Variants in VPS53 observed in about 807,000 individuals in gnomAD.
VPS53 encodes the protein VPS53 subunit of GARP complex.
Under a neutral mutation model 107.0 loss-of-function variants are expected in VPS53, and 70 were observed. The observed-to-expected ratio is 0.65, with a 90% CI of 0.54 to 0.80. The LOEUF is 0.80. Ranked by LOEUF, VPS53 falls within the 30% of genes least tolerant of loss-of-function variation. VPS53 has a pLI of 0.00. For synonymous variants in VPS53, 409 were observed against 393.3 expected, an observed-to-expected ratio of 1.04 and a Z score of -0.47; for missense variants, 917 against 1,049.4, an observed-to-expected ratio of 0.87 and a Z score of 1.74.
At position 581,710 on chromosome 17, in the gene VPS53, G is replaced by A. The variant is rs190560864; in HGVS notation, c.1313+4560C>T. 1.2e-3 allele frequency among the ~76,000 whole-genome samples: 186 copies of A among 150,066 alleles called. 1 individual carries two copies. Among genetic ancestry groups the A allele is most frequent in the African/African-American group, 4.0e-3 (163 of 40,672 alleles). On this transcript the variant is annotated intron_variant, in intron 13 of 21. Transcript: ENST00000437048. ...GAAAACCTTCCTCAGAACCTAATGC[G>A]TTCCTAGAGAACTTTCCTCAGAACT...
At chr17:704,221 T>G (rs949292894) in intron 2 of VPS53, among the ~76,000 whole-genome samples, 1 of 152,106 alleles carries the variant, frequency 6.6e-6, no homozygotes, top group African/African-American at 2.4e-5. Context: ...TGGCTACTAT[T>G]TAAACCCCAC....
chr17:564,952 T>A (rs4968164), intron 13 of VPS53, among the ~76,000 whole-genome samples: 32,475 of 152,122 alleles, frequency 0.21, 4,103 homozygotes, highest in Non-Finnish European at 0.28. Context: ...ACATGTTGCA[T>A]CTTTTTAGGT....
At chr17:531,308 C>T (rs1263381321) in intron 19 of VPS53, among the ~76,000 whole-genome samples, 1 of 152,208 alleles carries the variant, frequency 6.6e-6, no homozygotes, top group Non-Finnish European at 1.5e-5. Flanking sequence ...CTGAACTGGC[C>T]TGGGGTCTGA....
chr17:511,969 A>G lies in VPS53; in HGVS notation c.*7159T>C, dbSNP rs1907972722. ...AGGCAGCCTCGCCACCAGCCCCAGG[A>G]GGGAGGAAGCTCTCTTCTCAGTGTC... On this transcript the variant is annotated 3_prime_UTR_variant, in exon 22 of 22. Transcript: ENST00000437048. 1 of 152,232 alleles carries G rather than the reference A, an allele frequency of 6.6e-6. No homozygotes were observed. Among genetic ancestry groups the G allele is most frequent in the African/African-American group, 2.4e-5 (1 of 41,438 alleles). The allele number at this position is 152,232 out of a possible 1,614,324, so 9.4% of individuals were successfully genotyped here. A position where few individuals can be genotyped will look rare whatever the true frequency, so the allele number is the denominator to read the frequency against.
chr17:698,496 G>A (rs1470774870), intron 3 of VPS53, among the ~76,000 whole-genome samples: 1 of 151,576 alleles, frequency 6.6e-6, no homozygotes, highest in African/African-American at 2.4e-5. Context: ...CTTGAGCTCA[G>A]CAGTTTGAGA....
intron 10 of VPS53, among the ~76,000 whole-genome samples, chr17:625,475 T>TTA (rs895927235): frequency 1.5e-5 from 2 of 136,408 alleles, no homozygotes; most frequent in Non-Finnish European, 3.1e-5. Flanking sequence ...CCCCATCTCT[T>TTA]AAAAAAAAAA....
At position 714,604 on chromosome 17, in the gene VPS53, T is replaced by A; in HGVS notation, c.87+19A>T. 6.2e-7 allele frequency: 1 copy of A among 1,602,822 alleles called. No homozygotes were observed. Among genetic ancestry groups the A allele is most frequent in the East Asian group, 2.3e-5 (1 of 43,804 alleles). ...CCTCCCGCACTCCCGTTTCCCCTCCTGAGGGGCGGAACGCTTACCTGCTCG... is the reference window on the plus strand; with the variant it reads ...CCTCCCGCACTCCCGTTTCCCCTCCAGAGGGGCGGAACGCTTACCTGCTCG... On this transcript the variant is annotated intron_variant, in intron 1 of 21. Transcript: ENST00000437048.
intron 7 of VPS53, among the ~76,000 whole-genome samples, chr17:633,094 C>T (rs1020370683): frequency 2.6e-5 from 4 of 152,256 alleles, no homozygotes; most frequent in Admixed American, 6.5e-5. Flanking sequence ...AAGAACTGTG[C>T]GTGTACTTGA....
chr17:663,610 A>G (rs1971561188), intron 4 of VPS53, among the ~76,000 whole-genome samples: 1 of 152,230 alleles, frequency 6.6e-6, no homozygotes, highest in African/African-American at 2.4e-5. Flanking sequence ...ACCTACAGCT[A>G]AAGTGTCTGT....
chr17:597,514 A>G (rs1968031865), intron 12 of VPS53, among the ~76,000 whole-genome samples: 1 of 152,166 alleles, frequency 6.6e-6, no homozygotes, highest in Non-Finnish European at 1.5e-5. Flanking sequence ...ATAGCCCATG[A>G]AATGGTGGGT....
chr17:700,458 G>A lies in VPS53; in HGVS notation c.169-1078C>T, dbSNP rs1217746672. ...CCCAACTACTCAAGAGGCTGCGGCA[G>A]GAGAATCGCTTGAACCCGGGAGGCA... On this transcript the variant is annotated intron_variant, in intron 2 of 21. Transcript: ENST00000437048. 9.2e-5 allele frequency among the ~76,000 whole-genome samples: 14 copies of A among 152,264 alleles called. No homozygotes were observed. The East Asian group carries it at 2.7e-3, about 29-fold the overall frequency.
chr17:692,846 C>T (rs1466339014), intron 4 of VPS53, among the ~76,000 whole-genome samples: 1 of 151,556 alleles, frequency 6.6e-6, no homozygotes, highest in African/African-American at 2.4e-5. Flanking sequence ...ACTAAAAATA[C>T]AAAAATGAGC....
chr17:581,067 G>A (rs1966989121), intron 13 of VPS53, among the ~76,000 whole-genome samples: 1 of 151,230 alleles, frequency 6.6e-6, no homozygotes, highest in African/African-American at 2.4e-5. Context: ...AAGACCTAAT[G>A]TGTTCCCAGA....
rs979207240 is a variant in VPS53 at position 516,142 on chromosome 17, A to C, written c.*2986T>G. ...AAATGAAAGCTGTTATCAGTAGAGA[A>C]TCTTCACCACGTTGGCACCAGCTCA... On this transcript the variant is annotated 3_prime_UTR_variant, in exon 22 of 22. Coordinates refer to ENST00000437048, the MANE Select transcript of VPS53 (RefSeq NM_001128159.3). The C allele has an allele frequency of 4.6e-5, 7 of 151,838 alleles. No individual in the cohort carries two copies. Among genetic ancestry groups the C allele is most frequent in the Non-Finnish European group, 1.0e-4 (7 of 67,972 alleles). 9.4% of individuals were successfully genotyped at this position (151,838 alleles called of 1,614,324 possible).
Position 586,298 on chromosome 17 carries a change from G to T in VPS53, c.1285C>A (p.Leu429Ile). 6.2e-7 allele frequency: 1 copy of T among 1,614,098 alleles called. No homozygotes were observed. The highest frequency in any genetic ancestry group is 8.5e-7 in the Non-Finnish European group (1 of 1,179,948). Residue 429 changes from leucine to isoleucine, a missense_variant, in exon 13 of 22, where the codon CTC becomes ATC. By Grantham distance (5) the Leu-to-Ile change is conservative. Transcript: ENST00000437048. ...TCTTGGGATTCGATATACACGTAGA[G>T]ATGAGGCTCAAAACACTTGGAAACA... ...GIVSKCFEPHLYVYIESQDKN... is the reference protein window; with the variant it reads ...GIVSKCFEPHIYVYIESQDKN...
intron 17 of VPS53, among the ~76,000 whole-genome samples, chr17:550,669 G>C (rs1911734396): frequency 6.6e-6 from 1 of 152,138 alleles, no homozygotes; most frequent in Non-Finnish European, 1.5e-5. Flanking sequence ...TAACAAAAAT[G>C]AATCTCCCAT....
intron 11 of VPS53, among the ~76,000 whole-genome samples, chr17:623,092 C>A (rs187329787): frequency 6.6e-6 from 1 of 152,072 alleles, no homozygotes; most frequent in Admixed American, 6.6e-5. Flanking sequence ...AATGGAGGCA[C>A]GTAGTCCCCA....
At chr17:598,106 C>T (rs949106658) in intron 12 of VPS53, among the ~76,000 whole-genome samples, 2 of 152,210 alleles carry the variant, frequency 1.3e-5, no homozygotes, top group African/African-American at 2.4e-5. Flanking sequence ...CGAGTGCCTG[C>T]GATTGCAGGC....
intron 5 of VPS53, among the ~76,000 whole-genome samples, chr17:661,409 T>C (rs1251356070): frequency 6.6e-6 from 1 of 150,772 alleles, no homozygotes; most frequent in Non-Finnish European, 1.5e-5. Context: ...TAATCCCAGC[T>C]ACTTGGGCGG....
Sources: gnomAD v4.1 joint callset for allele counts (sites outside exome capture counted in the v4.1 genomes callset) on GRCh38, gnomAD v4.1.1 for gene constraint, MANE v1.5 for transcripts, NCBI Gene and HGNC (gene_info 2026-07-23, HGNC 2026-07-21) for gene names.